DPP10: variants seen among roughly 807,000 people sequenced by gnomAD.
DPP10 encodes inactive dipeptidyl peptidase 10.
DPP10 carries 33 observed loss-of-function variants against 120.9 expected under a neutral mutation model. That is an observed-to-expected ratio of 0.27 (90% CI 0.21 to 0.37). DPP10 has a LOEUF of 0.37. Among genes scored for constraint, DPP10 ranks in the 10% least tolerant of loss-of-function variants. The probability of loss-of-function intolerance (pLI) is 1.00; values close to 1 mark genes in which losing one functional copy is unlikely to be tolerated. For missense variants in DPP10, 816 were observed against 942.8 expected (o/e 0.87, Z 1.76); for synonymous variants, 337 against 326.1 (o/e 1.03, Z -0.36).
chr2:115,350,322 C>T (rs1335277826), intron 3 of DPP10, among the ~76,000 whole-genome samples: 1 of 152,030 alleles, frequency 6.6e-6, no homozygotes, highest in Middle Eastern at 3.2e-3. Flanking sequence ...TACCTGAATT[C>T]AATATGCCAA....
At chr2:115,641,458 C>T (rs184491833) in intron 5 of DPP10, among the ~76,000 whole-genome samples, 3 of 152,240 alleles carry the variant, frequency 2.0e-5, no homozygotes, top group South Asian at 2.1e-4. Flanking sequence ...CTGCTCTTCC[C>T]GTTCATTTCC....
At chr2:115,269,467 G>A (rs1391809048) in intron 1 of DPP10, among the ~76,000 whole-genome samples, 1 of 152,136 alleles carries the variant, frequency 6.6e-6, no homozygotes, top group Non-Finnish European at 1.5e-5. Flanking sequence ...TTAAGCGATT[G>A]ACAGGGTCTG....
chr2:115,643,308 A>G lies in DPP10; in HGVS notation c.442-46379A>G, dbSNP rs184331488. On this transcript the variant is annotated intron_variant, in intron 5 of 25. Transcript: ENST00000410059. The stretch of plus-strand genomic sequence containing the variant: ...ATTGCTCAAGACACTCCACTGTGAC[A>G]TTGGCTACTTCGGCTGCAATAGAGA... 6.5e-3 allele frequency among the ~76,000 whole-genome samples: 993 copies of G among 152,322 alleles called. 7 individuals carry two copies. Among genetic ancestry groups the G allele is most frequent in the Middle Eastern group, 0.024 (7 of 294 alleles).
intron 3 of DPP10, among the ~76,000 whole-genome samples, chr2:115,464,452 G>A (rs1398982004): frequency 6.6e-6 from 1 of 151,344 alleles, no homozygotes; most frequent in Non-Finnish European, 1.5e-5. Context: ...AAAAAACAGC[G>A]GTACAGGAGA....
chr2:115,560,040 CT>C (rs2080465082), intron 5 of DPP10, among the ~76,000 whole-genome samples: 1 of 151,828 alleles, frequency 6.6e-6, no homozygotes, highest in South Asian at 2.1e-4. Context: ...TAAATTCTCT[CT>C]CTAAGACTTG....
chr2:115,111,998 C>G (rs541675813), intron 1 of DPP10, among the ~76,000 whole-genome samples: 103 of 152,234 alleles, frequency 6.8e-4, no homozygotes, highest in African/African-American at 2.3e-3. Context: ...GGAAAGTTTC[C>G]CTATCCTGGG....
chr2:115,486,336 G>C (rs10496497), intron 3 of DPP10, among the ~76,000 whole-genome samples: 40,523 of 151,966 alleles, frequency 0.27, 6,395 homozygotes, highest in East Asian at 0.41. Context: ...TGAAAAGAAA[G>C]ACATAGCTTT....
At chr2:115,035,706 C>T (rs1390409783) in intron 1 of DPP10, among the ~76,000 whole-genome samples, 1 of 152,172 alleles carries the variant, frequency 6.6e-6, no homozygotes, top group Non-Finnish European at 1.5e-5. Context: ...CTAAACCATT[C>T]AGTGTCTCAT....
intron 1 of DPP10, among the ~76,000 whole-genome samples, chr2:115,048,649 A>G (rs1422381498): frequency 6.6e-6 from 1 of 151,982 alleles, no homozygotes; most frequent in Non-Finnish European, 1.5e-5. Context: ...CATCACTCTC[A>G]ATGTCTTGTT....
chr2:114,792,769 A>G (rs1458112038), intron 1 of DPP10, among the ~76,000 whole-genome samples: 3 of 152,194 alleles, frequency 2.0e-5, no homozygotes, highest in Admixed American at 2.0e-4. Context: ...ACAATATTGT[A>G]TTCATGTCAG....
intron 5 of DPP10, among the ~76,000 whole-genome samples, chr2:115,561,119 C>T (rs1392632994): frequency 1.3e-5 from 2 of 152,060 alleles, no homozygotes; most frequent in Admixed American, 6.6e-5. Flanking sequence ...GAGGCCAAGG[C>T]GGGTGGATTG....
rs534589319 is a variant in DPP10 at position 114,970,222 on chromosome 2, A to C, written c.61-339017A>C. ...AGGATGAAATAAGTGGAAAGCTAAA[A>C]TGGAGAAATAAATTAAGACAAAAAT... On this transcript the variant is annotated intron_variant, in intron 1 of 25. Coordinates refer to ENST00000410059, the MANE Select transcript of DPP10 (RefSeq NM_020868.6). 1.6e-4 allele frequency among the ~76,000 whole-genome samples: 25 copies of C among 152,282 alleles called. No individual in the cohort carries two copies. The South Asian group carries it at 1.9e-3, about 11-fold the overall frequency.
intron 3 of DPP10, among the ~76,000 whole-genome samples, chr2:115,357,232 A>G (rs1214646248): frequency 6.6e-6 from 1 of 152,212 alleles, no homozygotes; most frequent in East Asian, 1.9e-4. Flanking sequence ...CATCTGAGAC[A>G]AGGGAAATCC....
intron 1 of DPP10, among the ~76,000 whole-genome samples, chr2:115,002,214 A>C (rs1701490056): frequency 6.6e-6 from 1 of 152,054 alleles, no homozygotes; most frequent in Non-Finnish European, 1.5e-5. Flanking sequence ...AATGCAACAA[A>C]ACAGATCACC....
intron 1 of DPP10, among the ~76,000 whole-genome samples, chr2:114,802,693 T>G (rs1684362453): frequency 6.6e-6 from 1 of 152,180 alleles, no homozygotes; most frequent in Admixed American, 6.5e-5. Context: ...GCTAGTTGCC[T>G]CATTTCCACT....
chr2:114,694,212 A>G lies in DPP10; in HGVS notation c.60+251374A>G, dbSNP rs1699933538. ...ATACCCTCCTCATAGGACTGTGGTG[A>G]AGATTAAGAGAATTAATTAATATAA... On this transcript the variant is annotated intron_variant, in intron 1 of 25. Transcript: ENST00000410059. Among the ~76,000 whole-genome samples the G allele has an allele frequency of 2.6e-5, 4 of 151,924 alleles. No individual in the cohort carries two copies. In the South Asian group the frequency reaches 6.2e-4, roughly 24 times the overall value.
chr2:115,827,701 T>C (rs1002827430), intron 21 of DPP10, among the ~76,000 whole-genome samples: 7 of 151,714 alleles, frequency 4.6e-5, no homozygotes, highest in Non-Finnish European at 8.8e-5. Context: ...GTTCAAGCGA[T>C]TCTCCTGCCT....
chr2:115,169,599 A>G (rs891810183), intron 1 of DPP10, among the ~76,000 whole-genome samples: 2 of 152,140 alleles, frequency 1.3e-5, no homozygotes, highest in Admixed American at 6.5e-5. Flanking sequence ...GTCTTGTTTG[A>G]TATGTTCATG....
intron 1 of DPP10, among the ~76,000 whole-genome samples, chr2:114,714,935 G>T (rs1209811447): frequency 1.3e-5 from 2 of 152,214 alleles, no homozygotes; most frequent in East Asian, 3.9e-4. Context: ...CATTGATCCT[G>T]TTTCATAATG....
Sources: gnomAD v4.1 joint callset for allele counts (sites outside exome capture counted in the v4.1 genomes callset) on GRCh38, gnomAD v4.1.1 for gene constraint, MANE v1.5 for transcripts, NCBI Gene and HGNC (gene_info 2026-07-23, HGNC 2026-07-21) for gene names.